DISC1: variants seen among roughly 807,000 people sequenced by gnomAD.
DISC1 encodes the protein disrupted in schizophrenia 1 protein.
A neutral mutation model predicts 84.5 loss-of-function variants in DISC1; 57 were observed. The observed-to-expected ratio is 0.67, with a 90% confidence interval of 0.55 to 0.84. The LOEUF (loss-of-function observed/expected upper bound fraction) is 0.84, where lower values mean the gene tolerates loss of function less well. Among genes scored for constraint, DISC1 ranks in the 40% least tolerant of loss-of-function variants. The pLI is 0.00. For missense variants in DISC1, 1,000 were observed against 1,057.8 expected (o/e 0.95, Z 0.76); for synonymous variants, 411 against 415.2 (o/e 0.99, Z 0.12).
chr1:232,006,387 A>G (rs1667443339), intron 10 of DISC1, among the ~76,000 whole-genome samples: 3 of 151,996 alleles, frequency 2.0e-5, no homozygotes, highest in Non-Finnish European at 1.5e-5. Flanking sequence ...CTGAGGTGGT[A>G]TCAGATGGAG....
At chr1:232,013,701 G>A (rs1668233717) in intron 11 of DISC1, among the ~76,000 whole-genome samples, 1 of 152,170 alleles carries the variant, frequency 6.6e-6, no homozygotes, top group African/African-American at 2.4e-5. Flanking sequence ...GGGGTGAGCG[G>A]ACCAGCAAGC....
At chr1:231,893,104 A>T (rs1251389782) in intron 9 of DISC1, among the ~76,000 whole-genome samples, 1 of 152,226 alleles carries the variant, frequency 6.6e-6, no homozygotes, top group African/African-American at 2.4e-5. Flanking sequence ...TTGAAGCTGC[A>T]GTTAGCTGTG....
At chr1:231,997,504 C>G (rs1307448452) in intron 10 of DISC1, among the ~76,000 whole-genome samples, 4 of 152,140 alleles carry the variant, frequency 2.6e-5, no homozygotes, top group Non-Finnish European at 4.4e-5. Context: ...CAGACATGAC[C>G]TTTTCTTCCT....
At chr1:231,833,606 C>T (rs1222264919) in intron 9 of DISC1, among the ~76,000 whole-genome samples, 2 of 149,340 alleles carry the variant, frequency 1.3e-5, no homozygotes, top group African/African-American at 2.6e-5. Flanking sequence ...AGATGAGACG[C>T]GGCTTAGGAG....
intron 3 of DISC1, among the ~76,000 whole-genome samples, chr1:231,714,046 A>C (rs989169304): frequency 3.9e-5 from 6 of 152,054 alleles, no homozygotes; most frequent in Non-Finnish European, 7.4e-5. Flanking sequence ...GCTAATGAAC[A>C]AATTCTATAA....
At position 231,980,148 on chromosome 1, in the gene DISC1, T is replaced by A. The variant is rs75366039; in HGVS notation, c.2042+21260T>A. 3.8e-3 allele frequency among the ~76,000 whole-genome samples: 586 copies of A among 152,342 alleles called. 5 individuals are homozygous for A. Among genetic ancestry groups the A allele is most frequent in the African/African-American group, 0.013 (561 of 41,584 alleles). Reference sequence around the variant, plus strand: ...TTCCATCTATAGAGAACCATTTTAATTCAATTTTTATCCTTCTACTGCTTT... The same window carrying A: ...TTCCATCTATAGAGAACCATTTTAAATCAATTTTTATCCTTCTACTGCTTT... On this transcript the variant is annotated intron_variant, in intron 10 of 12. Transcript: ENST00000439617.
rs559862252 is a variant in DISC1 at position 231,802,352 on chromosome 1, T to G, written c.1792+2142T>G. Among the ~76,000 whole-genome samples the G allele has an allele frequency of 1.1e-3, 168 of 152,260 alleles. 3 individuals carry two copies. Among genetic ancestry groups the G allele is most frequent in the Admixed American group, 7.9e-4 (12 of 15,278 alleles). On this transcript the variant is annotated intron_variant, in intron 8 of 12. Coordinates refer to ENST00000439617, the MANE Select transcript of DISC1 (RefSeq NM_018662.3). ...GTTTGGTAGTTCTTCCTGCATTCAT[T>G]CTTCTTGCCACCTTGTGAAGAAGGT...
intron 8 of DISC1, among the ~76,000 whole-genome samples, chr1:231,804,227 C>G (rs1212709255): frequency 6.6e-6 from 1 of 152,122 alleles, no homozygotes; most frequent in East Asian, 1.9e-4. Flanking sequence ...TAACAAGTCT[C>G]AATGAGAGGT....
intron 9 of DISC1, among the ~76,000 whole-genome samples, chr1:231,829,839 AG>A (rs987440012): frequency 8.3e-6 from 1 of 120,556 alleles, no homozygotes; most frequent in African/African-American, 3.2e-5. Flanking sequence ...TTACAGTCAA[AG>A]GGGGGTTGTT....
intron 11 of DISC1, among the ~76,000 whole-genome samples, chr1:232,016,082 T>C (rs1431916950): frequency 2.6e-5 from 4 of 152,170 alleles, no homozygotes; most frequent in African/African-American, 9.7e-5. Flanking sequence ...CCTGAGACTT[T>C]AGGGTGGGAA....
intron 1 of DISC1, among the ~76,000 whole-genome samples, chr1:231,668,531 T>G (rs906655147): frequency 2.0e-5 from 3 of 152,146 alleles, no homozygotes; most frequent in African/African-American, 7.2e-5. Context: ...TGGCATGGGG[T>G]ACCATTGACT....
At chr1:231,627,022 C>A in intron 1 of DISC1, 88 bp downstream of exon 1, 1 of 911,360 alleles carries the variant, frequency 1.1e-6, no homozygotes, top group South Asian at 1.7e-5. Flanking sequence ...TCGCGTAGGT[C>A]AGGGCGTGCC....
chr1:232,019,462 C>T (rs915373251), intron 11 of DISC1, among the ~76,000 whole-genome samples: 5 of 152,190 alleles, frequency 3.3e-5, no homozygotes, highest in Non-Finnish European at 7.3e-5. Flanking sequence ...TTTAAATGAT[C>T]CGTTCAGAAT....
intron 4 of DISC1, among the ~76,000 whole-genome samples, chr1:231,763,623 C>G (rs12141204): frequency 6.6e-6 from 1 of 152,122 alleles, no homozygotes; most frequent in Non-Finnish European, 1.5e-5. Flanking sequence ...ATGTATGAAG[C>G]CTGCTTCATT....
At chr1:231,979,267 G>T (rs759481482) in intron 10 of DISC1, among the ~76,000 whole-genome samples, 2 of 151,820 alleles carry the variant, frequency 1.3e-5, no homozygotes, top group Non-Finnish European at 2.9e-5. Flanking sequence ...TAATATAATA[G>T]AAATAAAATG....
chr1:231,991,866 G>A lies in DISC1; in HGVS notation c.2043-16919G>A, dbSNP rs141938723. 2.6e-5 allele frequency among the ~76,000 whole-genome samples: 4 copies of A among 152,188 alleles called. No individual in the cohort carries two copies. In the East Asian group the frequency reaches 7.7e-4, roughly 29 times the overall value. On this transcript the variant is annotated intron_variant, in intron 10 of 12. Coordinates refer to ENST00000439617, the MANE Select transcript of DISC1 (RefSeq NM_018662.3). ...ATCTCCCTCATGTATGGACATATATGTCCTTTAGTTAGTTTTAGAAAATTC... is the reference window on the plus strand; with the variant it reads ...ATCTCCCTCATGTATGGACATATATATCCTTTAGTTAGTTTTAGAAAATTC...
At chr1:231,816,983 C>T (rs1277541573) in intron 8 of DISC1, among the ~76,000 whole-genome samples, 1 of 151,866 alleles carries the variant, frequency 6.6e-6, no homozygotes, top group African/African-American at 2.4e-5. Context: ...CCCTCTCCTT[C>T]TTTGAGGTGG....
intron 9 of DISC1, among the ~76,000 whole-genome samples, chr1:231,958,102 A>C (rs1439833858): frequency 1.3e-5 from 2 of 152,202 alleles, no homozygotes; most frequent in African/African-American, 4.8e-5. Context: ...TCTTCCAGGC[A>C]CTTGGTGTGC....
At chr1:231,718,543 T>G (rs1331162723) in intron 3 of DISC1, among the ~76,000 whole-genome samples, 1 of 152,012 alleles carries the variant, frequency 6.6e-6, no homozygotes, top group Non-Finnish European at 1.5e-5. Context: ...TTCAAGCGAT[T>G]ATCCTGCCTC....
Sources: gnomAD v4.1 joint callset for allele counts (sites outside exome capture counted in the v4.1 genomes callset) on GRCh38, gnomAD v4.1.1 for gene constraint, MANE v1.5 for transcripts, NCBI Gene and HGNC (gene_info 2026-07-23, HGNC 2026-07-21) for gene names.